The following SLC16A12 variants were observed in gnomAD, a reference collection of about 807,000 sequenced individuals.
SLC16A12 encodes the protein solute carrier family 16 member 12, also known as monocarboxylate transporter 12.
SLC16A12 carries 17 observed loss-of-function variants against 42.4 expected under a neutral mutation model. The ratio of observed to expected loss-of-function variants is 0.40; its 90% confidence interval spans 0.27 to 0.60. The LOEUF is 0.60. SLC16A12 is among the 20% of genes least tolerant of loss of function. The pLI is 0.42. For synonymous variants in SLC16A12, 224 were observed against 229.4 expected (o/e 0.98, Z 0.21); for missense variants, 544 against 623.0 (o/e 0.87, Z 1.35).
intron 3 of SLC16A12, among the ~76,000 whole-genome samples, chr10:89,452,661 T>G (rs1842113304): frequency 6.6e-6 from 1 of 152,050 alleles, no homozygotes; most frequent in African/African-American, 2.4e-5. Flanking sequence ...AATGGAACAG[T>G]GTGGTGAGCT....
chr10:89,476,176 A>T (rs951734182), intron 2 of SLC16A12, among the ~76,000 whole-genome samples: 1 of 152,208 alleles, frequency 6.6e-6, no homozygotes, highest in Non-Finnish European at 1.5e-5. Flanking sequence ...GGCATCATTA[A>T]GTCAGATTAT....
At chr10:89,536,492 G>T (rs1843664438), upstream of SLC16A12, among the ~76,000 whole-genome samples, 1 of 151,896 alleles carries the variant, frequency 6.6e-6, no homozygotes, top group African/African-American at 2.4e-5. Flanking sequence ...AGGTGTAGGC[G>T]CCCGGTACAT....
At chr10:89,483,314 T>C (rs746270271) in intron 2 of SLC16A12, among the ~76,000 whole-genome samples, 4 of 152,112 alleles carry the variant, frequency 2.6e-5, no homozygotes, top group Non-Finnish European at 5.9e-5. Context: ...ACATATGAAT[T>C]TGGTGGGAAC....
intron 2 of SLC16A12, among the ~76,000 whole-genome samples, chr10:89,484,703 C>A (rs1842721163): frequency 6.6e-6 from 1 of 152,180 alleles, no homozygotes; most frequent in Non-Finnish European, 1.5e-5. Flanking sequence ...CCCATCTCCA[C>A]AAGTTGCATA....
intron 2 of SLC16A12, among the ~76,000 whole-genome samples, chr10:89,529,723 T>G (rs1843511503): frequency 6.6e-6 from 1 of 152,052 alleles, no homozygotes; most frequent in Non-Finnish European, 1.5e-5. Flanking sequence ...AATTTTTGTA[T>G]TTTTAGTAGA....
chr10:89,439,138 C>A lies in SLC16A12; in HGVS notation c.494G>T (p.Gly165Val). 6.2e-7 allele frequency: 1 copy of A among 1,614,010 alleles called. No individual in the cohort carries two copies. Among genetic ancestry groups the A allele is most frequent in the Non-Finnish European group, 8.5e-7 (1 of 1,179,984 alleles). The change falls in exon 6 of 8, where the codon GGC becomes GTC. Residue 165 changes from glycine to valine, a missense_variant. Gly to Val is a moderately radical substitution (Grantham distance 109). Coordinates refer to ENST00000371790, the MANE Select transcript of SLC16A12 (RefSeq NM_213606.4). ...LCYSPAIAMV[G>V]KYFSRRKALA... The stretch of plus-strand genomic sequence containing the variant: ...GGCTTTCCGTCTGCTGAAGTACTTG[C>A]CAACCATGGCAATAGCTGGAGAGTA...
At chr10:89,445,921 T>C (rs1269848444) in intron 3 of SLC16A12, among the ~76,000 whole-genome samples, 2 of 152,152 alleles carry the variant, frequency 1.3e-5, no homozygotes, top group Admixed American at 6.5e-5. Flanking sequence ...AATGACCTGA[T>C]GGAGCTGAAA....
chr10:89,472,130 T>C (rs1208928643), intron 2 of SLC16A12, among the ~76,000 whole-genome samples: 1 of 152,224 alleles, frequency 6.6e-6, no homozygotes, highest in African/African-American at 2.4e-5. Flanking sequence ...TTTTGATGAA[T>C]TGAAATTTAT....
intron 2 of SLC16A12, among the ~76,000 whole-genome samples, chr10:89,469,911 T>A (rs1398168239): frequency 2.0e-5 from 3 of 152,248 alleles, no homozygotes; most frequent in Admixed American, 2.0e-4. Flanking sequence ...ATAATAACTC[T>A]TTCAAGGTAG....
chr10:89,431,160 G>C lies in SLC16A12; in HGVS notation c.*1904C>G, dbSNP rs1401133993. 6.0e-6 allele frequency: 1 copy of C among 167,662 alleles called. No homozygotes were observed. Among genetic ancestry groups the C allele is most frequent in the African/African-American group, 2.4e-5 (1 of 41,514 alleles). The allele number at this position is 167,662 out of a possible 1,614,324, so 10.4% of individuals were successfully genotyped here. On this transcript the variant is annotated 3_prime_UTR_variant, in exon 8 of 8. Coordinates refer to ENST00000371790, the MANE Select transcript of SLC16A12 (RefSeq NM_213606.4). ...CTACAGGCGCCCGCCACCACGCCTG[G>C]CTAATTTTTTGCATTTTTAGTAGAG... is the stretch of plus-strand genomic sequence containing the variant.
intron 4 of SLC16A12, among the ~76,000 whole-genome samples, chr10:89,442,616 A>G (rs572869626): frequency 1.3e-5 from 2 of 152,346 alleles, no homozygotes; most frequent in Admixed American, 1.3e-4. Flanking sequence ...GACAAGCTCT[A>G]TAACTCGAAT....
intron 7 of SLC16A12, among the ~76,000 whole-genome samples, chr10:89,435,816 C>T (rs1448555549): frequency 6.6e-6 from 1 of 152,110 alleles, no homozygotes; most frequent in African/African-American, 2.4e-5. Context: ...GGAAAGGAAT[C>T]AAGACCCTAA....
chr10:89,458,940 T>C (rs1227501898), intron 3 of SLC16A12, among the ~76,000 whole-genome samples: 1 of 152,224 alleles, frequency 6.6e-6, no homozygotes, highest in African/African-American at 2.4e-5. Flanking sequence ...GCAAGTAAGA[T>C]GTGTTTAACT....
chr10:89,555,696 T>TAC (rs1335827589), intron 2 of SLC16A12, among the ~76,000 whole-genome samples: 40 of 119,638 alleles, frequency 3.3e-4, no homozygotes, highest in Admixed American at 8.6e-4. Context: ...CACACATATA[T>TAC]ACATATATAT....
At chr10:89,539,741 C>CT (rs1183246311), upstream of SLC16A12, among the ~76,000 whole-genome samples, 1 of 152,080 alleles carries the variant, frequency 6.6e-6, no homozygotes, top group East Asian at 1.9e-4. Context: ...GATTTTAGGA[C>CT]TAAATACAAA....
chr10:89,512,101 T>C (rs1193081992), intron 2 of SLC16A12, among the ~76,000 whole-genome samples: 2 of 152,108 alleles, frequency 1.3e-5, no homozygotes, highest in Non-Finnish European at 2.9e-5. Context: ...CTTAGGGTAG[T>C]CAAACTCATA....
At chr10:89,521,196 C>T (rs533198798) in intron 2 of SLC16A12, among the ~76,000 whole-genome samples, 50 of 152,304 alleles carry the variant, frequency 3.3e-4, no homozygotes, top group Non-Finnish European at 5.3e-4. Context: ...ACAATAATGC[C>T]TTGTCTCTGT....
chr10:89,440,066 C>T (rs1308686623), intron 5 of SLC16A12, among the ~76,000 whole-genome samples: 1 of 101,994 alleles, frequency 9.8e-6, no homozygotes, highest in African/African-American at 3.6e-5. Context: ...CCAGATAGAC[C>T]CTGTCTCAAA....
chr10:89,491,083 T>C (rs923113370), intron 2 of SLC16A12, among the ~76,000 whole-genome samples: 1 of 152,202 alleles, frequency 6.6e-6, no homozygotes, highest in Admixed American at 6.5e-5. Flanking sequence ...TTTTATTACA[T>C]GACTTCTCCC....
Sources: gnomAD v4.1 joint callset for allele counts (sites outside exome capture counted in the v4.1 genomes callset) on GRCh38, gnomAD v4.1.1 for gene constraint, MANE v1.5 for transcripts, NCBI Gene and HGNC (gene_info 2026-07-23, HGNC 2026-07-21) for gene names.